Variants in SLC25A13 observed in about 807,000 individuals in gnomAD.
SLC25A13 encodes electrogenic aspartate/glutamate antiporter SLC25A13, mitochondrial.
Under a neutral mutation model 85.5 loss-of-function variants are expected in SLC25A13, and 70 were observed. That is an observed-to-expected ratio of 0.82 (90% confidence interval 0.68 to 1.00). The LOEUF is 1.00. Ranked by LOEUF, SLC25A13 falls within the 50% of genes least tolerant of loss-of-function variation. The pLI, the probability that SLC25A13 is intolerant of heterozygous loss-of-function variation, is 0.00. For missense variants in SLC25A13, 765 were observed against 819.8 expected (o/e 0.93, Z 0.82); for synonymous variants, 259 against 288.7 (o/e 0.90, Z 1.04).
chr7:96,157,886 G>A (rs182785295), intron 13 of SLC25A13, among the ~76,000 whole-genome samples: 8 of 152,212 alleles, frequency 5.3e-5, no homozygotes, highest in African/African-American at 7.2e-5. Flanking sequence ...GAGTTCTAAC[G>A]TACAGCCCCA....
chr7:96,151,483 G>A (rs1052116146), intron 13 of SLC25A13, among the ~76,000 whole-genome samples: 55 of 152,046 alleles, frequency 3.6e-4, no homozygotes, highest in African/African-American at 1.3e-3. Flanking sequence ...TGTAATCCCA[G>A]CTACTCAGGA....
intron 1 of SLC25A13, among the ~76,000 whole-genome samples, chr7:96,315,449 T>G (rs893315398): frequency 2.6e-5 from 4 of 152,180 alleles, no homozygotes; most frequent in African/African-American, 9.6e-5. Flanking sequence ...AGGGAATCAC[T>G]GGCCTAGAGC....
At position 96,292,328 on chromosome 7, in the gene SLC25A13, A is replaced by G. The variant is rs572574975; in HGVS notation, c.69+4570T>C. Among the ~76,000 whole-genome samples the G allele has an allele frequency of 5.1e-3, 772 of 152,218 alleles. 8 individuals are homozygous for G. The highest frequency in any genetic ancestry group is 0.018 in the African/African-American group (742 of 41,552). ...ACAAACCCACAGCCAATATCATACTAAATGGGCAAAAACTGGAAGCATTCC... is the reference window on the plus strand; with the variant it reads ...ACAAACCCACAGCCAATATCATACTGAATGGGCAAAAACTGGAAGCATTCC... On this transcript the variant is annotated intron_variant, in intron 2 of 17. Coordinates refer to ENST00000265631, the MANE Select transcript of SLC25A13 (RefSeq NM_014251.3).
chr7:96,132,274 G>A (rs1792065807), intron 14 of SLC25A13, among the ~76,000 whole-genome samples: 1 of 152,118 alleles, frequency 6.6e-6, no homozygotes, highest in South Asian at 2.1e-4. Flanking sequence ...ATGCCTCTTT[G>A]TTTACACACT....
intron 5 of SLC25A13, among the ~76,000 whole-genome samples, chr7:96,208,147 G>A (rs531724805): frequency 6.6e-6 from 1 of 152,240 alleles, no homozygotes; most frequent in East Asian, 1.9e-4. Flanking sequence ...ATTTCCAGGG[G>A]AAAACAAAAT....
chr7:96,248,512 G>C (rs1465430833), intron 3 of SLC25A13, among the ~76,000 whole-genome samples: 1 of 151,754 alleles, frequency 6.6e-6, no homozygotes, highest in African/African-American at 2.4e-5. Flanking sequence ...TCTTTTTCTT[G>C]CACCTGTTTC....
Position 96,225,565 on chromosome 7 carries a change from A to T in SLC25A13, c.328+9237T>A, listed in dbSNP as rs147856153. Among the ~76,000 whole-genome samples the T allele has an allele frequency of 5.7e-4, 87 of 151,972 alleles. No homozygotes were observed. In the South Asian group the frequency reaches 6.9e-3, roughly 12 times the overall value. On this transcript the variant is annotated intron_variant, in intron 4 of 17. Transcript: ENST00000265631. ...AAAAAAGAAAGAAACCAAGAAAGAA[A>T]AAAAAAAGGAATGGCCCAGGTGGGG...
At chr7:96,145,779 C>A (rs1475210527) in intron 14 of SLC25A13, among the ~76,000 whole-genome samples, 1 of 152,048 alleles carries the variant, frequency 6.6e-6, no homozygotes, top group East Asian at 1.9e-4. Flanking sequence ...TTTAATATTT[C>A]TTGATATGTG....
At chr7:96,262,498 T>C (rs1016365968) in intron 3 of SLC25A13, among the ~76,000 whole-genome samples, 3 of 143,340 alleles carry the variant, frequency 2.1e-5, no homozygotes, top group Non-Finnish European at 4.5e-5. Flanking sequence ...AAGGGAAAAG[T>C]GTTCCAAAAA....
Position 96,171,476 on chromosome 7 carries a change from A to T in SLC25A13, c.1226T>A (p.Leu409His). 1 of 1,613,280 alleles carries T rather than the reference A, an allele frequency of 6.2e-7. No individual in the cohort carries two copies. Among genetic ancestry groups the T allele is most frequent in the Non-Finnish European group, 8.5e-7 (1 of 1,179,250 alleles). Residue 409 changes from leucine to histidine, a missense_variant, in exon 12 of 18, where the codon CTT (leucine) becomes CAT (histidine). By Grantham distance (99) the Leu-to-His change is moderately conservative. Coordinates refer to ENST00000265631, the MANE Select transcript of SLC25A13 (RefSeq NM_014251.3). ...GCACCAACTCAAAAGACTTACTGTA[A>T]GTTTTATGGCCTTCTCTGGGGCAAC... ...LGVAPEKAIK[L>H]TVNDFVRDKF... is the part of the protein sequence containing the mutation.
intron 11 of SLC25A13, among the ~76,000 whole-genome samples, chr7:96,174,738 C>A (rs1360568173): frequency 6.6e-6 from 1 of 152,190 alleles, no homozygotes; most frequent in African/African-American, 2.4e-5. Flanking sequence ...GCCACAGAGC[C>A]TAATGACTAC....
intron 4 of SLC25A13, among the ~76,000 whole-genome samples, chr7:96,231,616 C>A (rs147404483): frequency 1.6e-3 from 250 of 151,718 alleles, no homozygotes; most frequent in Middle Eastern, 0.01. Flanking sequence ...CCCAGGCACT[C>A]GAGAAACTCA....
At chr7:96,181,086 A>G (rs1485446797) in intron 11 of SLC25A13, among the ~76,000 whole-genome samples, 10 of 151,948 alleles carry the variant, frequency 6.6e-5, no homozygotes, top group Admixed American at 6.5e-4. Flanking sequence ...ACAACAACAA[A>G]CTAGGAAAAT....
intron 2 of SLC25A13, among the ~76,000 whole-genome samples, chr7:96,277,930 T>C (rs1214760240): frequency 6.6e-6 from 1 of 152,142 alleles, no homozygotes; most frequent in Non-Finnish European, 1.5e-5. Context: ...AGCAAACTAC[T>C]AAGTGCGTGT....
At position 96,121,157 on chromosome 7, in the gene SLC25A13, AC is replaced by A. The variant is rs1029351915; in HGVS notation, c.*33del. 1.2e-6 allele frequency: 2 copies of A among 1,610,064 alleles called. No individual in the cohort carries two copies. Among genetic ancestry groups the A allele is most frequent in the African/African-American group, 2.7e-5 (2 of 74,828 alleles). The stretch of plus-strand genomic sequence containing the variant: ...AGGGATGTTCTTTACTGCAGTACCC[AC>A]AAAAAGACAGCACTATCCCAGGGCT... On this transcript the variant is annotated 3_prime_UTR_variant, in exon 18 of 18. Transcript: ENST00000265631.
chr7:96,239,894 T>C (rs909899764), intron 3 of SLC25A13, among the ~76,000 whole-genome samples: 2 of 152,316 alleles, frequency 1.3e-5, no homozygotes, highest in East Asian at 1.9e-4. Context: ...AATAATAAAA[T>C]AGCCAAAGCA....
intron 3 of SLC25A13, among the ~76,000 whole-genome samples, chr7:96,259,270 C>A (rs1797756274): frequency 2.0e-5 from 3 of 152,126 alleles, no homozygotes; most frequent in Admixed American, 6.5e-5. Context: ...TCAGAGTGAA[C>A]AGGCAACCTA....
chr7:96,272,873 A>G (rs528486410), intron 3 of SLC25A13, among the ~76,000 whole-genome samples: 4 of 152,362 alleles, frequency 2.6e-5, no homozygotes, highest in African/African-American at 9.6e-5. Flanking sequence ...TTAAACATCA[A>G]TAGAATAACC....
intron 1 of SLC25A13, among the ~76,000 whole-genome samples, chr7:96,320,254 G>T (rs560437199): frequency 6.6e-6 from 1 of 152,078 alleles, no homozygotes; most frequent in Non-Finnish European, 1.5e-5. Context: ...TGACCCGCCC[G>T]CCCCAGCCTC....
Sources: gnomAD v4.1 joint callset for allele counts (sites outside exome capture counted in the v4.1 genomes callset) on GRCh38, gnomAD v4.1.1 for gene constraint, MANE v1.5 for transcripts, NCBI Gene and HGNC (gene_info 2026-07-23, HGNC 2026-07-21) for gene names.